ESYT2: variants seen among roughly 807,000 people sequenced by gnomAD.
ESYT2 encodes the protein extended synaptotagmin 2, also known as extended synaptotagmin-2.
A neutral mutation model predicts 107.2 loss-of-function variants in ESYT2; 54 were observed. The observed-to-expected ratio is 0.50, with a 90% confidence interval of 0.40 to 0.63. ESYT2 has a LOEUF of 0.63. Ranked by LOEUF, ESYT2 falls within the 30% of genes least tolerant of loss-of-function variation. The probability of loss-of-function intolerance (pLI) is 0.00; values close to 1 mark genes in which losing one functional copy is unlikely to be tolerated. For missense variants in ESYT2, 1,020 were observed against 1,094.5 expected (o/e 0.93, Z 0.96); for synonymous variants, 491 against 434.1 (o/e 1.13, Z -1.63).
intron 10 of ESYT2, among the ~76,000 whole-genome samples, chr7:158,761,833 C>CA (rs1426373134): frequency 6.6e-6 from 1 of 151,146 alleles, no homozygotes; most frequent in Non-Finnish European, 1.5e-5. Flanking sequence ...AGCTGTAAAA[C>CA]AAAAACAAAA....
At chr7:158,735,204 CATAA>C (rs1292041996) in intron 21 of ESYT2, among the ~76,000 whole-genome samples, 2 of 152,188 alleles carry the variant, frequency 1.3e-5, no homozygotes, top group Non-Finnish European at 1.5e-5. Flanking sequence ...AAGAAATTCA[CATAA>C]ATAAAGCCAA....
At chr7:158,735,047 G>A (rs922636604) in intron 21 of ESYT2, among the ~76,000 whole-genome samples, 1 of 152,212 alleles carries the variant, frequency 6.6e-6, no homozygotes. Flanking sequence ...TCACAGAAGG[G>A]TTGGCCCATG....
At chr7:158,746,989 C>T (rs1837423677) in intron 16 of ESYT2, among the ~76,000 whole-genome samples, 2 of 152,112 alleles carry the variant, frequency 1.3e-5, no homozygotes, top group African/African-American at 4.8e-5. Context: ...GAGTTGGAGG[C>T]TGCAGTGATC....
chr7:158,826,021 G>GAAAAAA (rs34601173), intron 1 of ESYT2, among the ~76,000 whole-genome samples: 1 of 120,016 alleles, frequency 8.3e-6, no homozygotes, highest in African/African-American at 3.1e-5. Flanking sequence ...CTCATCTCTA[G>GAAAAAA]AAAAAAAAAA....
chr7:158,789,022 T>C (rs1444894109), intron 4 of ESYT2, among the ~76,000 whole-genome samples: 2 of 152,194 alleles, frequency 1.3e-5, no homozygotes, highest in African/African-American at 4.8e-5. Flanking sequence ...GTTTTTAATA[T>C]AAACATGAAA....
chr7:158,825,329 ATCT>A (rs1367200764), intron 1 of ESYT2, among the ~76,000 whole-genome samples: 4 of 152,030 alleles, frequency 2.6e-5, no homozygotes, highest in African/African-American at 9.7e-5. Context: ...AAATAAATAA[ATCT>A]TCTCTTCTTC....
At chr7:158,782,487 TG>T in intron 6 of ESYT2, among the ~76,000 whole-genome samples, 1 of 33,744 alleles carries the variant, frequency 3.0e-5, no homozygotes, top group African/African-American at 6.4e-5. Flanking sequence ...CAGTGAGAGG[TG>T]TGTGTGAAAC....
At chr7:158,822,061 T>TA (rs1378064873) in intron 1 of ESYT2, among the ~76,000 whole-genome samples, 1 of 151,710 alleles carries the variant, frequency 6.6e-6, no homozygotes, top group Non-Finnish European at 1.5e-5. Context: ...GATGATTTCT[T>TA]ACACTTGTGT....
At chr7:158,744,551 G>A (rs1247844814) in intron 16 of ESYT2, among the ~76,000 whole-genome samples, 1 of 152,090 alleles carries the variant, frequency 6.6e-6, no homozygotes, top group Non-Finnish European at 1.5e-5. Context: ...AAAAAACAGA[G>A]GTGGATCTCA....
intron 1 of ESYT2, among the ~76,000 whole-genome samples, chr7:158,807,112 G>A (rs1425729893): frequency 2.6e-5 from 4 of 151,778 alleles, no homozygotes; most frequent in East Asian, 1.9e-4. Context: ...TTAGCCAACC[G>A]TGGTGGTGGG....
chr7:158,790,197 A>AT (rs1839242466), intron 4 of ESYT2, among the ~76,000 whole-genome samples: 1 of 152,236 alleles, frequency 6.6e-6, no homozygotes, highest in South Asian at 2.1e-4. Context: ...AAGAAAGTCT[A>AT]TGCTTCTTTC....
rs919628244 is a variant in ESYT2 at position 158,731,088 on chromosome 7, A to T, written c.*3119T>A. The T allele has an allele frequency of 6.6e-6, 1 of 152,032 alleles. No individual in the cohort carries two copies. The highest frequency in any genetic ancestry group is 2.4e-5 in the African/African-American group (1 of 41,388). 9.4% of individuals were successfully genotyped at this position (152,032 alleles called of 1,614,324 possible). A position where few individuals can be genotyped will look rare whatever the true frequency, so the allele number is the denominator to read the frequency against. On this transcript the variant is annotated 3_prime_UTR_variant, in exon 23 of 23. Coordinates refer to ENST00000275418, the MANE Select transcript of ESYT2 (RefSeq NM_001367773.1). ...GGAGGTTCTCTACTTTTTAACCCCC[A>T]TCCCCCACCGCTGTTCTCTATTTGC...
rs372500843 is a variant in ESYT2, at chr7:158,777,931, T to C, written c.748-4535A>G. 3.1e-3 allele frequency among the ~76,000 whole-genome samples: 479 copies of C among 152,336 alleles called. 2 individuals carry two copies. The highest frequency in any genetic ancestry group is 0.027 in the Middle Eastern group (8 of 294). ...CATGAAGTGAGCACATGCTGTTCGC[T>C]TCACAGCACGGACAGGCTTATTTTT... On this transcript the variant is annotated intron_variant, in intron 6 of 22. Coordinates refer to ENST00000275418, the MANE Select transcript of ESYT2 (RefSeq NM_001367773.1).
chr7:158,814,095 A>C (rs1307673086), intron 1 of ESYT2, among the ~76,000 whole-genome samples: 1 of 151,824 alleles, frequency 6.6e-6, no homozygotes, highest in Non-Finnish European at 1.5e-5. Context: ...AACATGGTGA[A>C]ACCCTGTCTC....
intron 1 of ESYT2, chr7:158,827,414 C>A (rs1031127726): frequency 6.6e-6 from 1 of 152,084 alleles, no homozygotes. Context: ...ACTTTAAAGT[C>A]CTTTTCCATT....
Position 158,741,552 on chromosome 7 carries a change from C to G in ESYT2, c.2139G>C (p.Glu713Asp). 2 of 1,598,596 alleles carry G rather than the reference C, an allele frequency of 1.3e-6. No homozygotes were observed. The highest frequency in any genetic ancestry group is 1.7e-6 in the Non-Finnish European group (2 of 1,176,844). The part of the protein sequence containing the change: ...SDISLPIATQ[E>D]LRQRLRQLEN... ...CCAGCTGCCTCAGCCTTTGCCGCAGCTCCTGGGTGGCGATGGGCAGCGAGA... is the reference window on the plus strand; with the variant it reads ...CCAGCTGCCTCAGCCTTTGCCGCAGGTCCTGGGTGGCGATGGGCAGCGAGA... Residue 713 changes from glutamate to aspartate, a missense_variant, in exon 18 of 23, where the codon GAG (glutamate) becomes GAC (aspartate). Physicochemically the swap from Glu to Asp is conservative, Grantham distance 45 (BLOSUM62 2). Coordinates refer to ENST00000275418, the MANE Select transcript of ESYT2 (RefSeq NM_001367773.1).
At chr7:158,782,853 A>C (rs1036758910) in intron 6 of ESYT2, among the ~76,000 whole-genome samples, 3 of 151,754 alleles carry the variant, frequency 2.0e-5, no homozygotes, top group African/African-American at 4.8e-5. Flanking sequence ...TGAAAGAACA[A>C]GTGAGAGAGA....
chr7:158,733,311 T>C lies in ESYT2; in HGVS notation c.*896A>G, dbSNP rs929064175. Reference sequence around the variant, plus strand: ...CCTTTTTTTATAGGCTGGGAAAACATTGAAAATTAACAAAGCTCATGACTG... The same window carrying C: ...CCTTTTTTTATAGGCTGGGAAAACACTGAAAATTAACAAAGCTCATGACTG... On this transcript the variant is annotated 3_prime_UTR_variant, in exon 23 of 23. Transcript: ENST00000275418. The C allele has an allele frequency of 5.3e-5, 8 of 152,212 alleles. No homozygotes were observed. In the South Asian group the frequency reaches 6.2e-4, roughly 12 times the overall value. 9.4% of individuals were successfully genotyped at this position (152,212 alleles called of 1,614,324 possible).
At chr7:158,816,657 C>G (rs143699310) in intron 1 of ESYT2, among the ~76,000 whole-genome samples, 7 of 152,324 alleles carry the variant, frequency 4.6e-5, no homozygotes, top group Non-Finnish European at 1.0e-4. Context: ...TTGTCACAGG[C>G]GCCCTAATGC....
Sources: gnomAD v4.1 joint callset for allele counts (sites outside exome capture counted in the v4.1 genomes callset) on GRCh38, gnomAD v4.1.1 for gene constraint, MANE v1.5 for transcripts, NCBI Gene and HGNC (gene_info 2026-07-23, HGNC 2026-07-21) for gene names.